MAF: variants seen among roughly 807,000 people sequenced by gnomAD.
MAF encodes transcription factor Maf.
MAF carries 10 observed loss-of-function variants against 22.0 expected under a neutral mutation model. The observed-to-expected ratio is 0.45, with a 90% CI of 0.28 to 0.77. MAF has a LOEUF of 0.77. Ranked by LOEUF, MAF falls within the 30% of genes least tolerant of loss-of-function variation. The pLI, the probability that MAF is intolerant of heterozygous loss-of-function variation, is 0.12. For missense variants in MAF, 544 were observed against 548.4 expected (o/e 0.99, Z 0.08); for synonymous variants, 337 against 255.8 (o/e 1.32, Z -3.03).
chr16:79,442,218 A>G, the MAF span, among the ~76,000 whole-genome samples: 3 of 152,200 alleles, frequency 2.0e-5, no homozygotes, highest in Non-Finnish European at 4.4e-5. Flanking sequence ...TAGGGGATGA[A>G]AGGTGTTTTG....
At chr16:79,544,751 C>T in the MAF span, among the ~76,000 whole-genome samples, 2 of 132,508 alleles carry the variant, frequency 1.5e-5, no homozygotes, top group East Asian at 2.3e-4. Flanking sequence ...CCAGCCTGGG[C>T]GACAGAGCAA....
the MAF span, among the ~76,000 whole-genome samples, chr16:79,284,167 C>T: frequency 3.3e-5 from 5 of 152,256 alleles, no homozygotes; most frequent in East Asian, 5.8e-4. Context: ...GCAAGCTTTG[C>T]GCCCAGGAGC....
the MAF span, among the ~76,000 whole-genome samples, chr16:79,506,559 G>T: frequency 5.9e-5 from 9 of 152,262 alleles, no homozygotes; most frequent in African/African-American, 1.7e-4. Context: ...AGGGCTGGTA[G>T]ATAAAAAGGA....
At chr16:79,261,773 G>C in the MAF span, among the ~76,000 whole-genome samples, 1 of 152,292 alleles carries the variant, frequency 6.6e-6, no homozygotes, top group South Asian at 2.1e-4. Context: ...GATGAGGGCA[G>C]GGCCTGGCCT....
the MAF span, among the ~76,000 whole-genome samples, chr16:79,224,126 A>G: frequency 4.6e-5 from 7 of 152,190 alleles, no homozygotes; most frequent in African/African-American, 1.4e-4. Context: ...ATACTGGCAA[A>G]CCGAATCCAG....
chr16:79,216,861 G>C, the MAF span, among the ~76,000 whole-genome samples: 1 of 150,756 alleles, frequency 6.6e-6, no homozygotes, highest in African/African-American at 2.4e-5. Flanking sequence ...CCAGGCTGGA[G>C]TGCAGCGGCA....
At chr16:79,353,379 T>C in the MAF span, among the ~76,000 whole-genome samples, 1 of 152,202 alleles carries the variant, frequency 6.6e-6, no homozygotes, top group Non-Finnish European at 1.5e-5. Flanking sequence ...TCCGCCTGCC[T>C]CGGCCTCCCA....
chr16:79,282,768 G>A, the MAF span, among the ~76,000 whole-genome samples: 1 of 152,090 alleles, frequency 6.6e-6, no homozygotes. Context: ...TTCATCTGGG[G>A]GTTTAATATT....
chr16:79,314,723 C>G, the MAF span, among the ~76,000 whole-genome samples: 1 of 152,146 alleles, frequency 6.6e-6, no homozygotes, highest in Admixed American at 6.5e-5. Context: ...TTTGTCATTG[C>G]TTAAGGGCCT....
At chr16:79,265,529 A>G in the MAF span, among the ~76,000 whole-genome samples, 1 of 152,208 alleles carries the variant, frequency 6.6e-6, no homozygotes, top group Non-Finnish European at 1.5e-5. Flanking sequence ...GATAGTTCTG[A>G]ACCCTATATA....
the MAF span, among the ~76,000 whole-genome samples, chr16:79,547,959 T>C: frequency 2.5e-5 from 3 of 121,536 alleles, no homozygotes; most frequent in East Asian, 7.0e-4. Flanking sequence ...ATCGATGGTA[T>C]AGGAAGGCTG....
chr16:79,337,544 G>T, the MAF span, among the ~76,000 whole-genome samples: 6 of 148,926 alleles, frequency 4.0e-5, no homozygotes, highest in African/African-American at 1.2e-4. Context: ...CTCCAGCCTG[G>T]ATGACAGAGC....
the MAF span, among the ~76,000 whole-genome samples, chr16:79,267,160 T>G: frequency 3.9e-5 from 6 of 152,230 alleles, no homozygotes; most frequent in East Asian, 1.9e-4. Flanking sequence ...TCAATTTTGC[T>G]GAAGTTACAG....
At chr16:79,398,592 T>C in the MAF span, among the ~76,000 whole-genome samples, 44 of 152,246 alleles carry the variant, frequency 2.9e-4, no homozygotes, top group South Asian at 4.2e-4. Context: ...GGTATCAACA[T>C]CACAGGCTTG....
At chr16:79,535,765 G>A in the MAF span, among the ~76,000 whole-genome samples, 3 of 151,600 alleles carry the variant, frequency 2.0e-5, no homozygotes, top group African/African-American at 2.4e-5. Context: ...GCCCAGCTAA[G>A]AGAAAGGGTT....
chr16:79,212,094 A>G, the MAF span: 8 of 1,536,002 alleles, frequency 5.2e-6, no homozygotes, highest in African/African-American at 1.4e-5. Context: ...CTGGAGAAGC[A>G]CCAGCAATTC....
the MAF span, chr16:79,212,087 G>A: frequency 5.2e-6 from 8 of 1,536,254 alleles, no homozygotes; most frequent in South Asian, 3.6e-5. Flanking sequence ...TATCTCCCTG[G>A]AGAAGCACCA....
At chr16:79,447,705 C>T in the MAF span, among the ~76,000 whole-genome samples, 1 of 151,848 alleles carries the variant, frequency 6.6e-6, no homozygotes, top group African/African-American at 2.4e-5. Flanking sequence ...TTCTAATTCT[C>T]ATGAACGACT....
chr16:79,458,684 A>C, the MAF span, among the ~76,000 whole-genome samples: 1 of 152,194 alleles, frequency 6.6e-6, no homozygotes, highest in African/African-American at 2.4e-5. Context: ...TGGTAAAAAT[A>C]ATAGGCATGT....
Sources: gnomAD v4.1 joint callset for allele counts (sites outside exome capture counted in the v4.1 genomes callset) on GRCh38, gnomAD v4.1.1 for gene constraint, MANE v1.5 for transcripts, NCBI Gene and HGNC (gene_info 2026-07-23, HGNC 2026-07-21) for gene names.